The following ARHGAP15 variants were observed in gnomAD, a reference collection of about 807,000 sequenced individuals.
ARHGAP15 encodes the protein rho GTPase-activating protein 15.
Under a neutral mutation model 63.7 loss-of-function variants are expected in ARHGAP15, and 51 were observed. The ratio of observed to expected loss-of-function variants is 0.80; its 90% CI spans 0.64 to 1.01. The LOEUF (loss-of-function observed/expected upper bound fraction) is 1.01, where lower values mean the gene tolerates loss of function less well. Among genes scored for constraint, ARHGAP15 ranks in the 50% least tolerant of loss-of-function variants. The probability of loss-of-function intolerance (pLI) is 0.00; values close to 1 mark genes in which losing one functional copy is unlikely to be tolerated. For synonymous variants in ARHGAP15, 191 were observed against 193.8 expected (o/e 0.99, Z 0.12); for missense variants, 560 against 564.6 (o/e 0.99, Z 0.08).
chr2:143,164,186 T>C (rs1379485381), intron 2 of ARHGAP15, among the ~76,000 whole-genome samples: 4 of 152,178 alleles, frequency 2.6e-5, no homozygotes, highest in African/African-American at 9.6e-5. Context: ...CTCTCAGGTT[T>C]GTGTTAGGAA....
chr2:143,742,962 A>G (rs1019105489), intron 13 of ARHGAP15, among the ~76,000 whole-genome samples: 1 of 152,152 alleles, frequency 6.6e-6, no homozygotes, highest in Admixed American at 6.5e-5. Context: ...GCTCCAACCC[A>G]GGCTGGGGTT....
intron 13 of ARHGAP15, among the ~76,000 whole-genome samples, chr2:143,713,043 A>G (rs953292502): frequency 1.3e-5 from 2 of 152,218 alleles, no homozygotes; most frequent in African/African-American, 4.8e-5. Flanking sequence ...ACTTCATTGA[A>G]CAAGATGATA....
At chr2:143,481,802 A>G (rs1692091541) in intron 8 of ARHGAP15, among the ~76,000 whole-genome samples, 1 of 152,194 alleles carries the variant, frequency 6.6e-6, no homozygotes, top group Non-Finnish European at 1.5e-5. Context: ...AATACTATTA[A>G]CTGAAGATCA....
chr2:143,490,120 C>T (rs921648108), intron 9 of ARHGAP15, among the ~76,000 whole-genome samples: 23 of 152,072 alleles, frequency 1.5e-4, no homozygotes, highest in Admixed American at 7.2e-4. Flanking sequence ...CTGCCTCAGC[C>T]TCCCGAGTAG....
At chr2:143,409,299 G>A (rs1042112611) in intron 6 of ARHGAP15, among the ~76,000 whole-genome samples, 1 of 151,510 alleles carries the variant, frequency 6.6e-6, no homozygotes, top group Non-Finnish European at 1.5e-5. Flanking sequence ...TGAGGCAAAT[G>A]GTGCTATTTT....
rs535329204 is a variant in ARHGAP15, at chr2:143,747,042, T to C, written c.1245-20947T>C. 2.0e-5 allele frequency among the ~76,000 whole-genome samples: 3 copies of C among 151,966 alleles called. No homozygotes were observed. The East Asian group carries it at 5.8e-4, about 29-fold the overall frequency. On this transcript the variant is annotated intron_variant, in intron 13 of 13. Coordinates refer to ENST00000295095, the MANE Select transcript of ARHGAP15 (RefSeq NM_018460.4). ...ATAGATTTTTCAAACCAGATTTAGGTTTAAAAAACTGATCAGAATCACCAC... is the reference window on the plus strand; with the variant it reads ...ATAGATTTTTCAAACCAGATTTAGGCTTAAAAAACTGATCAGAATCACCAC...
intron 6 of ARHGAP15, among the ~76,000 whole-genome samples, chr2:143,303,143 A>G (rs1415139016): frequency 6.6e-6 from 1 of 152,112 alleles, no homozygotes; most frequent in Non-Finnish European, 1.5e-5. Flanking sequence ...AATGGCAACA[A>G]AAGCCAAAAT....
chr2:143,697,408 TATTTA>T (rs1314637823), intron 12 of ARHGAP15, among the ~76,000 whole-genome samples: 10 of 152,294 alleles, frequency 6.6e-5, no homozygotes, highest in East Asian at 1.9e-4. Context: ...TGCACTGAAA[TATTTA>T]ATTCTACGAA....
intron 10 of ARHGAP15, among the ~76,000 whole-genome samples, chr2:143,541,795 A>T (rs1695068902): frequency 6.6e-6 from 1 of 152,072 alleles, no homozygotes; most frequent in African/African-American, 2.4e-5. Context: ...CTACTGGGGG[A>T]TGCCTCCCAG....
At chr2:143,367,542 TA>T (rs1558924010) in intron 6 of ARHGAP15, among the ~76,000 whole-genome samples, 1 of 152,088 alleles carries the variant, frequency 6.6e-6, no homozygotes, top group Non-Finnish European at 1.5e-5. Flanking sequence ...AGTATATTTA[TA>T]ACTAAATGGC....
intron 11 of ARHGAP15, among the ~76,000 whole-genome samples, chr2:143,614,246 T>C (rs1236097207): frequency 1.3e-5 from 2 of 152,210 alleles, no homozygotes; most frequent in African/African-American, 4.8e-5. Flanking sequence ...TATGTTCCCA[T>C]AGCAGTCTGC....
At chr2:143,163,105 C>T (rs766969124) in intron 2 of ARHGAP15, among the ~76,000 whole-genome samples, 1 of 151,990 alleles carries the variant, frequency 6.6e-6, no homozygotes, top group Non-Finnish European at 1.5e-5. Context: ...CTTAGTTAAG[C>T]TAAATCATTG....
chr2:143,340,503 A>T (rs569896665), intron 6 of ARHGAP15, among the ~76,000 whole-genome samples: 1 of 149,490 alleles, frequency 6.7e-6, no homozygotes, highest in East Asian at 2.0e-4. Context: ...TTTTATCCTA[A>T]ATTTTTAATG....
chr2:143,665,222 A>T (rs1310743878), intron 12 of ARHGAP15, among the ~76,000 whole-genome samples: 1 of 143,354 alleles, frequency 7.0e-6, no homozygotes, highest in Non-Finnish European at 1.5e-5. Context: ...ATCCACCATG[A>T]TCAAGTGGGC....
chr2:143,139,864 G>T (rs1315933436), intron 1 of ARHGAP15, among the ~76,000 whole-genome samples: 1 of 152,122 alleles, frequency 6.6e-6, no homozygotes, highest in Non-Finnish European at 1.5e-5. Flanking sequence ...CCTACCACTT[G>T]CTAGATCCTG....
chr2:143,727,390 C>T (rs1685330188), intron 13 of ARHGAP15, among the ~76,000 whole-genome samples: 1 of 152,050 alleles, frequency 6.6e-6, no homozygotes, highest in African/African-American at 2.4e-5. Context: ...GGCCATATAT[C>T]ACCTATATTT....
chr2:143,669,612 G>A (rs1206939075), intron 12 of ARHGAP15, among the ~76,000 whole-genome samples: 1 of 152,164 alleles, frequency 6.6e-6, no homozygotes, highest in African/African-American at 2.4e-5. Context: ...TTCTAGCTGT[G>A]TCCCCACAAT....
At chr2:143,582,346 A>G (rs1696941247) in intron 11 of ARHGAP15, among the ~76,000 whole-genome samples, 1 of 152,182 alleles carries the variant, frequency 6.6e-6, no homozygotes, top group Admixed American at 6.5e-5. Context: ...TTTCTGTGAC[A>G]GTTCATCAAA....
intron 10 of ARHGAP15, among the ~76,000 whole-genome samples, chr2:143,526,306 C>T (rs189039670): frequency 7.9e-5 from 12 of 152,092 alleles, no homozygotes; most frequent in Admixed American, 4.6e-4. Context: ...AATCAGTCAG[C>T]GGATATTCCC....
Sources: gnomAD v4.1 joint callset for allele counts (sites outside exome capture counted in the v4.1 genomes callset) on GRCh38, gnomAD v4.1.1 for gene constraint, MANE v1.5 for transcripts, NCBI Gene and HGNC (gene_info 2026-07-23, HGNC 2026-07-21) for gene names.